Variants in SLC38A10 observed in about 807,000 individuals in gnomAD.
SLC38A10 encodes the protein solute carrier family 38 member 10.
A neutral mutation model predicts 81.0 loss-of-function variants in SLC38A10; 53 were observed. That is an observed-to-expected ratio of 0.65 (90% confidence interval 0.53 to 0.82). The LOEUF is 0.82. SLC38A10 is among the 40% of genes least tolerant of loss of function. The pLI is 0.00. For synonymous variants in SLC38A10, 665 were observed against 655.3 expected, an observed-to-expected ratio of 1.01 and a Z score of -0.23; for missense variants, 1,471 against 1,545.0, an observed-to-expected ratio of 0.95 and a Z score of 0.80.
At position 81,250,181 on chromosome 17, in the gene SLC38A10, T is replaced by C. The variant is rs968815208; in HGVS notation, c.2065+1312A>G. On this transcript the variant is annotated intron_variant, in intron 14 of 15. Coordinates refer to ENST00000374759, the MANE Select transcript of SLC38A10 (RefSeq NM_001037984.3). ...TTCAGAAAGAAGAAAATCAAAAGAA[T>C]CAAACAGGTTCAGGTAACAGAGCAT... 4 of 1,214,728 alleles carry C rather than the reference T, an allele frequency of 3.3e-6. No individual in the cohort carries two copies. The African/African-American group carries it at 6.3e-5, about 19-fold the overall frequency. The allele number at this position is 1,214,728 out of a possible 1,614,324, so 75.2% of individuals were successfully genotyped here.
chr17:81,293,506 G>A (rs954438596), intron 1 of SLC38A10, among the ~76,000 whole-genome samples: 4 of 151,886 alleles, frequency 2.6e-5, no homozygotes, highest in Middle Eastern at 3.2e-3. Context: ...GGGTACTGTT[G>A]TGTTGCCCAG....
rs1395215043 is a variant in SLC38A10 at position 81,270,954 on chromosome 17, G to C, written c.1095C>G (p.Ile365Met). The part of the protein sequence containing the change: ...SLICFICPAL[I>M]YKKIHKNALS... ...GTGCGTTCTTGTGGATTTTCTTGTA[G>C]ATCAGCGCCGGGCAGATGAAGCAGA... Residue 365 changes from isoleucine to methionine, a missense_variant, in exon 10 of 16, where the codon ATC becomes ATG. Physicochemically the swap from Ile to Met is conservative, Grantham distance 10. Around this residue, in one of 2 missense-constraint regions of SLC38A10, gnomAD observed 720 missense variants for 827.7 expected, o/e 0.87. Transcript: ENST00000374759. This position sits in a 1 kb window ranked among gnomAD's most constrained non-coding sequence, Gnocchi z 4.0. 4 of 1,613,966 alleles carry C rather than the reference G, an allele frequency of 2.5e-6. No homozygotes were observed. Among genetic ancestry groups the C allele is most frequent in the Admixed American group, 1.7e-5 (1 of 60,018 alleles).
At chr17:81,269,254 C>G (rs2063094463) in intron 10 of SLC38A10, among the ~76,000 whole-genome samples, 1 of 152,194 alleles carries the variant, frequency 6.6e-6, no homozygotes, top group Admixed American at 6.5e-5. Flanking sequence ...TGGCTCACGT[C>G]TATAATCCCA....
Position 81,276,750 on chromosome 17 carries a change from C to T in SLC38A10, c.729+281G>A, listed in dbSNP as rs1432592855. Among the ~76,000 whole-genome samples the T allele has an allele frequency of 6.6e-6, 1 of 152,108 alleles. No homozygotes were observed. The highest frequency in any genetic ancestry group is 1.5e-5 in the Non-Finnish European group (1 of 68,016). On this transcript the variant is annotated intron_variant, in intron 7 of 15. Coordinates refer to ENST00000374759, the MANE Select transcript of SLC38A10 (RefSeq NM_001037984.3). This position sits in a 1 kb window ranked among gnomAD's most constrained non-coding sequence, Gnocchi z 4.7. ...TCTTGGAGAGAGAGTAAGAGTGGCT[C>T]GGATAAAGGGTTCTGGGAGCAGCCC...
chr17:81,262,967 G>A (rs1378301129), intron 10 of SLC38A10: 1 of 152,242 alleles, frequency 6.6e-6, no homozygotes, highest in Non-Finnish European at 1.5e-5. Context: ...TCCATGCTGG[G>A]AGACAGCAAG....
chr17:81,272,454 C>G, intron 9 of SLC38A10, 62 bp downstream of exon 9: 2 of 1,100,290 alleles, frequency 1.8e-6, no homozygotes, highest in East Asian at 2.6e-5. Flanking sequence ...CTGTGCAGGT[C>G]TTGGTTGATG....
In SLC38A10 at chr17:81,288,157, G is replaced by A. The variant is rs1169619536; in HGVS notation, c.217+1534C>T. Among the ~76,000 whole-genome samples, 1 of 152,254 alleles carries A rather than the reference G, an allele frequency of 6.6e-6. No individual in the cohort carries two copies. Among genetic ancestry groups the A allele is most frequent in the Admixed American group, 6.5e-5 (1 of 15,280 alleles). On this transcript the variant is annotated intron_variant, in intron 2 of 15. Coordinates refer to ENST00000374759, the MANE Select transcript of SLC38A10 (RefSeq NM_001037984.3). The surrounding 1 kb of genome is among the most constrained non-coding windows in gnomAD (Gnocchi z 5.4). ...GGTTCTGAGGGCCGAAACGAACGCA[G>A]GACTCTCTGTGGCAACATGAAGGGG... is the stretch of plus-strand genomic sequence containing the variant.
intron 14 of SLC38A10, chr17:81,251,150 T>C: frequency 6.6e-7 from 1 of 1,520,740 alleles, no homozygotes; most frequent in South Asian, 1.3e-5. Flanking sequence ...GTGTTAAAAC[T>C]GTTAACAAAC....
chr17:81,276,232 G>T lies in SLC38A10; in HGVS notation c.730-81C>A. 2 of 1,342,268 alleles carry T rather than the reference G, an allele frequency of 1.5e-6. No individual in the cohort carries two copies. Among genetic ancestry groups the T allele is most frequent in the Non-Finnish European group, 1.0e-6 (1 of 991,406 alleles). 83.1% of individuals were successfully genotyped at this position (1,342,268 alleles called of 1,614,324 possible). ...CCTGTCACAGTGGGCAGGGCATGGG[G>T]GGGACCTGTGCCCTGCCCCCCAGAA... On this transcript the variant is annotated intron_variant, in intron 7 of 15. Coordinates refer to ENST00000374759, the MANE Select transcript of SLC38A10 (RefSeq NM_001037984.3). This position sits in a 1 kb window ranked among gnomAD's most constrained non-coding sequence, Gnocchi z 4.7.
rs12602704 is a variant in SLC38A10 at position 81,267,451 on chromosome 17, C to G, written c.1131+3467G>C. 2.4e-3 allele frequency among the ~76,000 whole-genome samples: 359 copies of G among 152,208 alleles called. 8 individuals carry two copies. The East Asian group carries it at 0.051, about 22-fold the overall frequency. On this transcript the variant is annotated intron_variant, in intron 10 of 15. Coordinates refer to ENST00000374759, the MANE Select transcript of SLC38A10 (RefSeq NM_001037984.3). ...TAGTACTGGAGTGTGGAAATTCTAA[C>G]TATGACTCTTTCTTTCCTTCCTTCC... is the stretch of plus-strand genomic sequence containing the variant.
At position 81,265,431 on chromosome 17, in the gene SLC38A10, G is replaced by A. The variant is rs2063061442; in HGVS notation, c.1132-5037C>T. 1 of 152,338 alleles carries A rather than the reference G, an allele frequency of 6.6e-6. No homozygotes were observed. The highest frequency in any genetic ancestry group is 2.1e-4 in the South Asian group (1 of 4,832). 9.4% of individuals were successfully genotyped at this position (152,338 alleles called of 1,614,324 possible). On this transcript the variant is annotated intron_variant, in intron 10 of 15. Coordinates refer to ENST00000374759, the MANE Select transcript of SLC38A10 (RefSeq NM_001037984.3). This position sits in a 1 kb window ranked among gnomAD's most constrained non-coding sequence, Gnocchi z 4.2. ...CACTTGGTGGCAAATGTATCTTTTC[G>A]ATTCCCTCAGGGCCGACCTATTTTC...
chr17:81,279,830 C>T (rs527429652), intron 6 of SLC38A10: 37 of 172,850 alleles, frequency 2.1e-4, no homozygotes, highest in Admixed American at 3.8e-4. Flanking sequence ...GACTGGGGCG[C>T]GTTCTGGTGG....
rs772437162 is a variant in SLC38A10, at chr17:81,270,969, G to A, written c.1080C>T (p.Ile360=). ...TTTTCTTGTAGATCAGCGCCGGGCA[G>A]ATGAAGCAGATGAGGCTTCCCATGG... The part of the protein sequence containing the change: ...GATMGSLICF[I]CPALIYKKIH... The change falls in exon 10 of 16, where the codon ATC becomes ATT. Residue 360 remains isoleucine (I), a synonymous_variant. Transcript: ENST00000374759. This position sits in a 1 kb window ranked among gnomAD's most constrained non-coding sequence, Gnocchi z 4.0. 4.3e-6 allele frequency: 7 copies of A among 1,613,880 alleles called. No homozygotes were observed. The highest frequency in any genetic ancestry group is 1.6e-4 in the Middle Eastern group (1 of 6,062).
rs535582956 is a variant in SLC38A10, at chr17:81,253,690, A to G, written c.1289-450T>C. On this transcript the variant is annotated intron_variant, in intron 11 of 15. Coordinates refer to ENST00000374759, the MANE Select transcript of SLC38A10 (RefSeq NM_001037984.3). The surrounding 1 kb of genome is among the most constrained non-coding windows in gnomAD (Gnocchi z 4.1). ...CATCATCTCCATCCCTACCACCAAC[A>G]TCACCATCATCACCATCACCATCAC... is the stretch of plus-strand genomic sequence containing the variant. 6.6e-6 allele frequency among the ~76,000 whole-genome samples: 1 copy of G among 150,690 alleles called. No individual in the cohort carries two copies. The highest frequency in any genetic ancestry group is 1.5e-5 in the Non-Finnish European group (1 of 67,760).
rs957155725 is a variant in SLC38A10 at position 81,286,632 on chromosome 17, C to T, written c.218-1737G>A. Among the ~76,000 whole-genome samples the T allele has an allele frequency of 6.6e-6, 1 of 152,294 alleles. No homozygotes were observed. Among genetic ancestry groups the T allele is most frequent in the Non-Finnish European group, 1.5e-5 (1 of 68,020 alleles). On this transcript the variant is annotated intron_variant, in intron 2 of 15. Coordinates refer to ENST00000374759, the MANE Select transcript of SLC38A10 (RefSeq NM_001037984.3). This position sits in a 1 kb window ranked among gnomAD's most constrained non-coding sequence, Gnocchi z 6.0. The stretch of plus-strand genomic sequence containing the variant: ...CTCCCCCGAGTGTGGACTCCCAGTG[C>T]GGGCCCAGCCCCTGCCAGGCTGGAG...
At chr17:81,280,214 T>C in intron 6 of SLC38A10, 1 of 433,606 alleles carries the variant, frequency 2.3e-6, no homozygotes, top group Non-Finnish European at 4.7e-6. Flanking sequence ...TCCAAATGCA[T>C]CCAGCAGCCG....
chr17:81,292,272 G>A (rs1473551109), intron 1 of SLC38A10, among the ~76,000 whole-genome samples: 3 of 152,040 alleles, frequency 2.0e-5, no homozygotes, highest in East Asian at 1.9e-4. Context: ...GACTACAGGC[G>A]CCTGACATCG....
At chr17:81,273,018 A>C (rs8070092) in intron 8 of SLC38A10, among the ~76,000 whole-genome samples, 76,863 of 151,960 alleles carry the variant, frequency 0.51, 21,710 homozygotes, top group African/African-American at 0.77. Context: ...ATGCCCCAGG[A>C]CTCTCCTGGC....
chr17:81,293,395 A>G (rs937126032), intron 1 of SLC38A10, among the ~76,000 whole-genome samples: 1 of 152,236 alleles, frequency 6.6e-6, no homozygotes, highest in African/African-American at 2.4e-5. Context: ...AGGCTCACCA[A>G]CCATATCAGG....
Sources: gnomAD v4.1 joint callset for allele counts (sites outside exome capture counted in the v4.1 genomes callset) on GRCh38, gnomAD v4.1.1 for gene constraint, gnomAD v4.1.1 regional missense constraint, Gnocchi (gnomAD v3.1) non-coding constraint, MANE v1.5 for transcripts, NCBI Gene and HGNC (gene_info 2026-07-23, HGNC 2026-07-21) for gene names.